EIF2D: variants seen among roughly 807,000 people sequenced by gnomAD.
EIF2D encodes the protein hepatocellular carcinoma-associated antigen 56.
Under a neutral mutation model 77.4 loss-of-function variants are expected in EIF2D, and 56 were observed. The ratio of observed to expected loss-of-function variants is 0.72; its 90% confidence interval spans 0.58 to 0.90. The LOEUF is 0.90. Among genes scored for constraint, EIF2D ranks in the 40% least tolerant of loss-of-function variants. The pLI, the probability that EIF2D is intolerant of heterozygous loss-of-function variation, is 0.00. For missense variants in EIF2D, 574 were observed against 706.5 expected (o/e 0.81, Z 2.13); for synonymous variants, 230 against 271.0 (o/e 0.85, Z 1.49).
chr1:206,599,899 G>T lies in EIF2D; in HGVS notation c.949-63C>A. On this transcript the variant is annotated intron_variant, in intron 8 of 14. Coordinates refer to ENST00000271764, the MANE Select transcript of EIF2D (RefSeq NM_006893.3). This position sits in a 1 kb window ranked among gnomAD's most constrained non-coding sequence, Gnocchi z 4.1. ...ATTCCACACACATACTGAGCACCCA[G>T]GATGTGCCAGAGTGAGCTAGGCAGG... The T allele has an allele frequency of 6.7e-7, 1 of 1,502,686 alleles. No homozygotes were observed. The highest frequency in any genetic ancestry group is 9.2e-7 in the Non-Finnish European group (1 of 1,084,532). The allele number at this position is 1,502,686 out of a possible 1,614,324, so 93.1% of individuals were successfully genotyped here.
At chr1:206,571,544 T>A (rs1436894427) in intron 5 of EIF2D, 1 of 152,184 alleles carries the variant, frequency 6.6e-6, no homozygotes, top group East Asian at 1.9e-4. Flanking sequence ...GGTGTGCTCA[T>A]AGTCTAATGA....
chr1:206,581,660 G>A (rs1668884871), intron 2 of EIF2D, among the ~76,000 whole-genome samples: 2 of 150,302 alleles, frequency 1.3e-5, no homozygotes. Context: ...AGAAAGAAAA[G>A]GAAGGAAGGA....
rs1488556506 is a variant in EIF2D at position 206,592,545 on chromosome 1, G to A, written c.1685-700C>T. ...CAAGGAGAATCTGGAGAACTGCAAGGAGACCAGGACAGCTGGTGCCTGCAA... is the reference window on the plus strand; with the variant it reads ...CAAGGAGAATCTGGAGAACTGCAAGAAGACCAGGACAGCTGGTGCCTGCAA... On this transcript the variant is annotated intron_variant, in intron 14 of 14. Coordinates refer to ENST00000271764, the MANE Select transcript of EIF2D (RefSeq NM_006893.3). The surrounding 1 kb of genome is among the most constrained non-coding windows in gnomAD (Gnocchi z 4.7). Among the ~76,000 whole-genome samples, 1 of 152,224 alleles carries A rather than the reference G, an allele frequency of 6.6e-6. No homozygotes were observed. The highest frequency in any genetic ancestry group is 1.5e-5 in the Non-Finnish European group (1 of 68,040).
At chr1:206,583,518 G>A (rs1161289124) in intron 2 of EIF2D, 2 of 649,024 alleles carry the variant, frequency 3.1e-6, no homozygotes, top group East Asian at 2.8e-5. Flanking sequence ...GGCCTCCGGG[G>A]TCTGGAAGGC....
At chr1:206,585,351 G>A (rs1669070191) in intron 2 of EIF2D, 3 of 1,302,322 alleles carry the variant, frequency 2.3e-6, no homozygotes, top group Non-Finnish European at 3.3e-6. Context: ...GGTGGGTGCA[G>A]GTGGGTGTTG....
rs139092708 is a variant in EIF2D, at chr1:206,599,580, G to A, written c.1085C>T (p.Pro362Leu). Residue 362 changes from proline (P) to leucine (L), a missense_variant, in exon 10 of 15, where the codon CCG becomes CTG. Coordinates refer to ENST00000271764, the MANE Select transcript of EIF2D (RefSeq NM_006893.3). This position sits in a 1 kb window ranked among gnomAD's most constrained non-coding sequence, Gnocchi z 4.1. The part of the protein sequence containing the change: ...ITSFVIPEPS[P>L]TSQTIQEGSR... The stretch of plus-strand genomic sequence containing the variant: ...ACCCTCCTGGATAGTCTGGGAGGTC[G>A]GGGAGGGCTCGGGTATGACGAAAGA... 9.4e-6 allele frequency: 15 copies of A among 1,602,480 alleles called. No individual in the cohort carries two copies. The African/African-American group carries it at 1.3e-4, about 14-fold the overall frequency.
At position 206,584,476 on chromosome 1, in the gene EIF2D, C is replaced by T. The variant is rs1553407093; in HGVS notation, c.139-3314G>A. The T allele has an allele frequency of 6.2e-7, 1 of 1,614,172 alleles. No homozygotes were observed. Among genetic ancestry groups the T allele is most frequent in the East Asian group, 2.2e-5 (1 of 44,878 alleles). ...TGCCTGCTGGGATCCGGCCCCAGTC[C>T]ATCTATGATGCCATCAAGGAGGTGA... On this transcript the variant is annotated intron_variant and NMD_transcript_variant, in intron 2 of 5. Transcript: ENST00000472709. The surrounding 1 kb of genome is among the most constrained non-coding windows in gnomAD (Gnocchi z 4.9).
At chr1:206,596,056 G>A (rs573415179) in intron 12 of EIF2D, among the ~76,000 whole-genome samples, 16 of 152,066 alleles carry the variant, frequency 1.1e-4, no homozygotes, top group East Asian at 1.9e-4. Context: ...CCTAAAATGC[G>A]GCCAAGGTAG....
intron 13 of EIF2D, chr1:206,594,936 GAACC>G: frequency 6.6e-6 from 1 of 152,192 alleles, no homozygotes; most frequent in Middle Eastern, 3.4e-3. Context: ...CAATTATTGA[GAACC>G]AAGTATTTAT....
intron 7 of EIF2D, chr1:206,602,037 G>T: frequency 3.1e-6 from 1 of 319,326 alleles, no homozygotes; most frequent in Non-Finnish European, 5.9e-6. Flanking sequence ...GATTTGTGAG[G>T]TTGCCCAGAA....
chr1:206,587,569 C>T (rs1553407958), downstream of EIF2D: 1 of 157,510 alleles, frequency 6.3e-6, no homozygotes, highest in South Asian at 1.9e-4. Context: ...GTAAGGAGCA[C>T]CAAAGCTGAG....
intron 6 of EIF2D, 27 bp downstream of exon 6, chr1:206,602,924 T>G (rs1553411653): frequency 6.2e-7 from 1 of 1,609,156 alleles, no homozygotes; most frequent in Non-Finnish European, 8.5e-7. Context: ...GGTGGGGAGA[T>G]GGGCTCTTCT....
rs1670364713 is a variant in EIF2D, at chr1:206,609,454, T to C, written c.253A>G (p.Thr85Ala). The C allele has an allele frequency of 1.2e-6, 2 of 1,612,686 alleles. No homozygotes were observed. The highest frequency in any genetic ancestry group is 4.5e-5 in the East Asian group (2 of 44,882). ...LEKNLYPTVY[T>A]LWSYPDLLPT... is the part of the protein sequence containing the mutation. The stretch of plus-strand genomic sequence containing the variant: ...AGAAGATCAGGATAGGACCACAGCG[T>C]GTACACTGTACAAAAAGAGATCCAG... Residue 85 changes from threonine to alanine, a missense_variant, in exon 3 of 15, where the codon ACG (threonine) becomes GCG (alanine). Coordinates refer to ENST00000271764, the MANE Select transcript of EIF2D (RefSeq NM_006893.3).
chr1:206,572,920 T>A (rs1371925975), intron 4 of EIF2D, among the ~76,000 whole-genome samples: 1 of 152,162 alleles, frequency 6.6e-6, no homozygotes, highest in African/African-American at 2.4e-5. Flanking sequence ...GGAATCAAGG[T>A]CCCATATTGG....
At chr1:206,582,525 T>C (rs1572368934) in intron 2 of EIF2D, among the ~76,000 whole-genome samples, 1 of 152,206 alleles carries the variant, frequency 6.6e-6, no homozygotes, top group Non-Finnish European at 1.5e-5. Context: ...TATGAGATAA[T>C]GTATGCCAAG....
chr1:206,599,820 T>G lies in EIF2D; in HGVS notation c.965A>C (p.Gln322Pro), dbSNP rs782226386. 1 of 1,613,984 alleles carries G rather than the reference T, an allele frequency of 6.2e-7. No individual in the cohort carries two copies. The highest frequency in any genetic ancestry group is 2.2e-5 in the East Asian group (1 of 44,864). ...TATAATCTGCTCCTGCTGCATTTGC[T>G]GCAGGAACTTAGAGAGCTAAGGGAG... ...SSYKKLSKFL[Q>P]QMQQEQIIQV... Residue 322 changes from glutamine (Q) to proline (P), a missense_variant, in exon 9 of 15, where the codon CAG (glutamine) becomes CCG (proline). Transcript: ENST00000271764. This position sits in a 1 kb window ranked among gnomAD's most constrained non-coding sequence, Gnocchi z 4.1.
chr1:206,575,034 GTTTTT>G lies in EIF2D; in HGVS notation c.*255-2340_*255-2336del, dbSNP rs376096611. ...GGATAATTTTTTTGTTTTTGTTTTT[GTTTTT>G]TTTTTTAGAAGAGACAGGGTTTCAT... On this transcript the variant is annotated intron_variant and NMD_transcript_variant, in intron 4 of 5. Transcript: ENST00000472709. 2.9e-4 allele frequency among the ~76,000 whole-genome samples: 31 copies of G among 107,746 alleles called. No homozygotes were observed. In the Middle Eastern group the frequency reaches 0.023, roughly 79 times the overall value. 70.7% of individuals were successfully genotyped at this position (107,746 alleles called of 152,430 possible). A position where few individuals can be genotyped will look rare whatever the true frequency, so the allele number is the denominator to read the frequency against.
chr1:206,584,310 G>A lies in EIF2D; in HGVS notation c.139-3148C>T, dbSNP rs1302711414. On this transcript the variant is annotated intron_variant and NMD_transcript_variant, in intron 2 of 5. Coordinates refer to the EIF2D transcript ENST00000472709. The surrounding 1 kb of genome is among the most constrained non-coding windows in gnomAD (Gnocchi z 4.9). ...CAAGGAGACAGGTGGGTGCTGCTGG[G>A]GCAATGGCCCCGAGTGGCAGATATG... The A allele has an allele frequency of 1.6e-5, 23 of 1,426,096 alleles. No individual in the cohort carries two copies. Among genetic ancestry groups the A allele is most frequent in the Non-Finnish European group, 2.2e-5 (23 of 1,050,580 alleles). The allele number at this position is 1,426,096 out of a possible 1,614,324, so 88.3% of individuals were successfully genotyped here.
At chr1:206,582,801 G>T (rs1668945190) in intron 2 of EIF2D, among the ~76,000 whole-genome samples, 1 of 152,196 alleles carries the variant, frequency 6.6e-6, no homozygotes, top group South Asian at 2.1e-4. Context: ...TGGCACCATG[G>T]GTAGACGCCT....
Sources: gnomAD v4.1 joint callset for allele counts (sites outside exome capture counted in the v4.1 genomes callset) on GRCh38, gnomAD v4.1.1 for gene constraint, Gnocchi (gnomAD v3.1) non-coding constraint, MANE v1.5 for transcripts, NCBI Gene and HGNC (gene_info 2026-07-23, HGNC 2026-07-21) for gene names.